Variants in WDFY3 observed in about 807,000 individuals in gnomAD.
The protein encoded by WDFY3 is WD repeat and FYVE domain containing 3.
A neutral mutation model predicts 409.6 loss-of-function variants in WDFY3; 66 were observed. The observed-to-expected ratio is 0.16, with a 90% CI of 0.13 to 0.20. The LOEUF (loss-of-function observed/expected upper bound fraction) is 0.20, where lower values mean the gene tolerates loss of function less well. WDFY3 is among the 10% of genes least tolerant of loss of function. The pLI is 1.00. For missense variants in WDFY3, 3,031 were observed against 4,298.1 expected (o/e 0.71, Z 8.24); for synonymous variants, 1,521 against 1,537.1 (o/e 0.99, Z 0.25).
intron 1 of WDFY3, among the ~76,000 whole-genome samples, chr4:84,935,871 T>G (rs753575045): frequency 1.3e-5 from 2 of 152,196 alleles, no homozygotes; most frequent in Non-Finnish European, 2.9e-5. Context: ...CAGTACATTC[T>G]AACTACAATA....
intron 3 of WDFY3, among the ~76,000 whole-genome samples, chr4:84,888,448 A>G (rs1218839484): frequency 6.6e-6 from 1 of 152,128 alleles, no homozygotes; most frequent in Non-Finnish European, 1.5e-5. Context: ...TGAGATAATA[A>G]CTTTAGAAAA....
intron 19 of WDFY3, among the ~76,000 whole-genome samples, chr4:84,795,809 A>C (rs1749335022): frequency 6.6e-6 from 1 of 151,910 alleles, no homozygotes; most frequent in Admixed American, 6.6e-5. Flanking sequence ...AGATCTAGCT[A>C]CCAGATCTAT....
chr4:84,860,307 T>A, intron 4 of WDFY3, 105 bp downstream of exon 4: 1 of 1,320,668 alleles, frequency 7.6e-7, no homozygotes. Context: ...TTCTTAAAAC[T>A]AACTCAGCCT....
intron 36 of WDFY3, among the ~76,000 whole-genome samples, chr4:84,744,802 G>A (rs1232395265): frequency 3.9e-5 from 5 of 129,140 alleles, no homozygotes; most frequent in African/African-American, 1.2e-4. Flanking sequence ...GCAGTGAGCC[G>A]AGATCCCGCC....
chr4:84,691,619 A>G lies in WDFY3; in HGVS notation c.9204+12T>C. ...AGCAATATTAAATGAGTAGGCAGGA[A>G]ATAATGCAAACCTTGTCTGACTCAT... On this transcript the variant is annotated intron_variant, in intron 60 of 67. Transcript: ENST00000295888. 1 of 1,612,656 alleles carries G rather than the reference A, an allele frequency of 6.2e-7. No homozygotes were observed.
In WDFY3 at chr4:84,743,662, ATT is replaced by A. The variant is rs1404348385; in HGVS notation, c.6073+36_6073+37del. ...TACTTGGGGCTTAGAGAGGAAAGTG[ATT>A]ATAGGTATTTCTATAAAATAAAAAC... On this transcript the variant is annotated intron_variant, in intron 37 of 67. Coordinates refer to ENST00000295888, the MANE Select transcript of WDFY3 (RefSeq NM_014991.6). 6.8e-6 allele frequency: 10 copies of A among 1,475,256 alleles called. No homozygotes were observed. In the Admixed American group the frequency reaches 1.5e-4, roughly 22 times the overall value. 91.4% of individuals were successfully genotyped at this position (1,475,256 alleles called of 1,614,324 possible). A position where few individuals can be genotyped will look rare whatever the true frequency, so the allele number is the denominator to read the frequency against.
rs1162911628 is a variant in WDFY3 at position 84,772,889 on chromosome 4, C to T, written c.4795G>A (p.Val1599Ile). Residue 1599 changes from valine to isoleucine, a missense_variant, in exon 30 of 68, where the codon GTT becomes ATT. By Grantham distance (29) the Val-to-Ile change is conservative. Transcript: ENST00000295888. ...TCCATTACTACAAATTTCTCACAAA[C>T]CGCAAAGGTTGGCAAAGTAGAAGAA... ...FISSTLPTFAVCEKFVVMEIN... is the reference protein window; with the variant it reads ...FISSTLPTFAICEKFVVMEIN... 6.2e-7 allele frequency: 1 copy of T among 1,610,198 alleles called. No individual in the cohort carries two copies. The highest frequency in any genetic ancestry group is 8.5e-7 in the Non-Finnish European group (1 of 1,178,548).
intron 4 of WDFY3, among the ~76,000 whole-genome samples, chr4:84,854,828 G>A (rs192655691): frequency 1.8e-4 from 27 of 152,296 alleles, no homozygotes; most frequent in Non-Finnish European, 2.9e-4. Flanking sequence ...AGAATAGCTT[G>A]AACCTGGGAG....
chr4:84,861,754 A>G (rs1021815454), intron 3 of WDFY3, among the ~76,000 whole-genome samples: 2 of 152,246 alleles, frequency 1.3e-5, no homozygotes, highest in African/African-American at 4.8e-5. Context: ...TTAAAAAAAT[A>G]CACAAACTAA....
chr4:84,733,627 A>AG lies in WDFY3; in HGVS notation c.6994-19dup, dbSNP rs772660969. The AG allele has an allele frequency of 2.3e-5, 37 of 1,586,918 alleles. No individual in the cohort carries two copies. The African/African-American group carries it at 5.0e-4, about 22-fold the overall frequency. The stretch of plus-strand genomic sequence containing the variant: ...TGCTGACGCTGACAGGAAAGAGTCC[A>AG]GGTCGGTTTTCAAGCAAAAGCAGGA... On this transcript the variant is annotated intron_variant, in intron 43 of 67. Coordinates refer to ENST00000295888, the MANE Select transcript of WDFY3 (RefSeq NM_014991.6).
intron 27 of WDFY3, among the ~76,000 whole-genome samples, chr4:84,778,140 T>G (rs1407002455): frequency 6.6e-6 from 1 of 152,070 alleles, no homozygotes; most frequent in Non-Finnish European, 1.5e-5. Context: ...ATGAATGATA[T>G]TTTACCATGC....
At chr4:84,922,402 T>C (rs1002722825) in intron 2 of WDFY3, among the ~76,000 whole-genome samples, 1 of 152,134 alleles carries the variant, frequency 6.6e-6, no homozygotes, top group African/African-American at 2.4e-5. Flanking sequence ...CACAAAAAGT[T>C]GTTTTAATCA....
intron 44 of WDFY3, 42 bp from the exon 45 acceptor site, chr4:84,726,953 AC>A (rs774760824): frequency 7.1e-6 from 11 of 1,539,452 alleles, no homozygotes; most frequent in South Asian, 2.4e-5. Context: ...AGAAAAAAAA[AC>A]ATAAAGAGGA....
At chr4:84,735,020 T>C in intron 43 of WDFY3, 23 bp downstream of exon 43, 2 of 1,593,062 alleles carry the variant, frequency 1.3e-6, no homozygotes, top group Non-Finnish European at 1.7e-6. Flanking sequence ...AAACAAACCA[T>C]TATGATGATT....
chr4:84,753,557 G>C, intron 35 of WDFY3, 140 bp downstream of exon 35: 1 of 929,334 alleles, frequency 1.1e-6, no homozygotes, highest in Non-Finnish European at 1.5e-6. Flanking sequence ...AATGCAAGAG[G>C]TGATGTATAA....
chr4:84,794,439 G>T, intron 21 of WDFY3, 80 bp downstream of exon 21: 1 of 1,325,292 alleles, frequency 7.5e-7, no homozygotes, highest in Non-Finnish European at 1.0e-6. Context: ...GTTATTATTA[G>T]CTGGACTTTT....
chr4:84,691,584 A>C (rs3747680), intron 60 of WDFY3, 47 bp downstream of exon 60: 1 of 1,594,778 alleles, frequency 6.3e-7, no homozygotes, highest in East Asian at 2.2e-5. Flanking sequence ...GGATAGCCAG[A>C]CCACAAAAGA....
intron 21 of WDFY3, among the ~76,000 whole-genome samples, chr4:84,790,500 G>A (rs1342542506): frequency 6.6e-6 from 1 of 151,992 alleles, no homozygotes; most frequent in Non-Finnish European, 1.5e-5. Context: ...AAGTTACAAT[G>A]AACAAAAGTT....
At chr4:84,937,220 A>G (rs976889023) in intron 1 of WDFY3, among the ~76,000 whole-genome samples, 4 of 152,152 alleles carry the variant, frequency 2.6e-5, no homozygotes, top group African/African-American at 9.7e-5. Flanking sequence ...CCAAAGGCCT[A>G]TTAGTTCTCA....
Sources: allele counts gnomAD v4.1 joint callset (sites outside exome capture counted in the v4.1 genomes callset), GRCh38; gene constraint gnomAD v4.1.1; transcripts MANE v1.5; gene names NCBI Gene and HGNC (gene_info 2026-07-23, HGNC 2026-07-21).